ANKRD36B: variants seen among roughly 807,000 people sequenced by gnomAD.
ANKRD36B encodes ankyrin repeat domain 36B, also known as ankyrin repeat domain-containing protein 36B.
In ANKRD36B, 37 loss-of-function variants were observed where a neutral mutation model predicts 135.7. The observed-to-expected ratio is 0.27, with a 90% CI of 0.21 to 0.36. The LOEUF (loss-of-function observed/expected upper bound fraction) is 0.36, where lower values mean the gene tolerates loss of function less well. ANKRD36B is among the 10% of genes least tolerant of loss of function. ANKRD36B has a pLI of 1.00. For missense variants in ANKRD36B, 549 were observed against 1,037.1 expected, an observed-to-expected ratio of 0.53 and a Z score of 6.46; for synonymous variants, 179 against 348.1, an observed-to-expected ratio of 0.51 and a Z score of 5.41.
rs1360728824 is a variant in ANKRD36B, at chr2:97,580,753, T to C, written c.451-185A>G. 2.4e-5 allele frequency among the ~76,000 whole-genome samples: 3 copies of C among 124,264 alleles called. No individual in the cohort carries two copies. In the Admixed American group the frequency reaches 2.7e-4, roughly 11 times the overall value. 81.5% of individuals were successfully genotyped at this position (124,264 alleles called of 152,430 possible). On this transcript the variant is annotated intron_variant, in intron 3 of 43. Coordinates refer to ENST00000359901, the MANE Select transcript of ANKRD36B (RefSeq NM_001393939.1). ...TCCTTCCCCTGGAAACAACCTCCTC[T>C]GCCTCACCACAAGAACTCTGGTCAT... is the stretch of plus-strand genomic sequence containing the variant.
chr2:97,576,295 ACTG>A (rs1468094296), intron 6 of ANKRD36B, 81 bp downstream of exon 6: 5 of 362,358 alleles, frequency 1.4e-5, no homozygotes, highest in African/African-American at 1.1e-4. Flanking sequence ...ATTTTTTTAA[ACTG>A]CTTTTTTGTA....
chr2:97,554,415 A>G (rs2080314531), intron 14 of ANKRD36B, among the ~76,000 whole-genome samples: 3 of 151,970 alleles, frequency 2.0e-5, no homozygotes, highest in Non-Finnish European at 2.9e-5. Flanking sequence ...GTAATTTGTC[A>G]ATGTGGTTTA....
chr2:97,552,687 C>T (rs986691083), intron 16 of ANKRD36B, among the ~76,000 whole-genome samples: 8 of 151,900 alleles, frequency 5.3e-5, no homozygotes, highest in Admixed American at 6.6e-5. Flanking sequence ...CTCCTTCCTG[C>T]CTGACAATCC....
At chr2:97,568,848 ACT>A (rs1310735079) in intron 6 of ANKRD36B, among the ~76,000 whole-genome samples, 1 of 152,044 alleles carries the variant, frequency 6.6e-6, no homozygotes, top group African/African-American at 2.4e-5. Flanking sequence ...AAATAGTATG[ACT>A]CTCTTGGCAT....
intron 35 of ANKRD36B, among the ~76,000 whole-genome samples, chr2:97,527,322 A>G (rs2078270574): frequency 1.0e-5 from 1 of 95,258 alleles, no homozygotes; most frequent in South Asian, 2.4e-4. Context: ...TAAGTGAAGG[A>G]GAAATAAAAT....
rs1174076761 is a variant in ANKRD36B at position 97,547,567 on chromosome 2, T to C, written c.1548A>G (p.Arg516=). ...DEKDSLLNIA[R]GKKDGEKTRR... ...TAGTTTTTTCTCCATCTTTTTTTCC[T>C]CTGGCTATATTCAAAAGAGAATCTT... The change falls in exon 22 of 44, where the codon AGA becomes AGG. Residue 516 remains arginine, a synonymous_variant. Coordinates refer to ENST00000359901, the MANE Select transcript of ANKRD36B (RefSeq NM_001393939.1). 6.4e-7 allele frequency: 1 copy of C among 1,554,804 alleles called. No individual in the cohort carries two copies. The highest frequency in any genetic ancestry group is 1.8e-5 in the Admixed American group (1 of 56,486).
chr2:97,574,330 C>T (rs972300420), intron 6 of ANKRD36B, among the ~76,000 whole-genome samples: 1 of 152,098 alleles, frequency 6.6e-6, no homozygotes, highest in African/African-American at 2.4e-5. Context: ...AAATCAAAAC[C>T]ACAGTGAGAT....
chr2:97,537,128 A>G (rs1231782224), intron 32 of ANKRD36B, among the ~76,000 whole-genome samples: 1 of 96,318 alleles, frequency 1.0e-5, no homozygotes, highest in African/African-American at 3.1e-5. Flanking sequence ...TAGCCTTCAG[A>G]AAGTTTCTTC....
rs762718709 is a variant in ANKRD36B, at chr2:97,555,117, T to C, written c.1114A>G (p.Thr372Ala). ...GTAGCTGTATTCAAAGCAGAATCTG[T>C]CTTGTCACTTGCAGTCTGAAAGTAA... ...QPASKTASDK[T>A]DSALNTATEI... The change falls in exon 14 of 44, where the codon ACA becomes GCA. Residue 372 changes from threonine to alanine, a missense_variant. By Grantham distance (58) the Thr-to-Ala change is moderately conservative. Coordinates refer to ENST00000359901, the MANE Select transcript of ANKRD36B (RefSeq NM_001393939.1). 1 of 1,611,880 alleles carries C rather than the reference T, an allele frequency of 6.2e-7. No individual in the cohort carries two copies. The highest frequency in any genetic ancestry group is 8.5e-7 in the Non-Finnish European group (1 of 1,178,724).
At chr2:97,549,831 G>A (rs927671913) in intron 18 of ANKRD36B, among the ~76,000 whole-genome samples, 1 of 151,896 alleles carries the variant, frequency 6.6e-6, no homozygotes, top group Non-Finnish European at 1.5e-5. Context: ...TTCAAACATG[G>A]TATGATTTCT....
rs185416273 is a variant in ANKRD36B, at chr2:97,545,851, A to C, written c.1590T>G (p.His530Gln). ...TAATTACCTTCAAGGATGGTTGTTT[A>C]TGAGAAGACACTGAAAAGCAAAAGG... ...DGEKTRRVSS[H>Q]KQPSLKATSD... Residue 530 changes from histidine (H) to glutamine (Q), a missense_variant, in exon 23 of 44, where the codon CAT becomes CAG. Coordinates refer to ENST00000359901, the MANE Select transcript of ANKRD36B (RefSeq NM_001393939.1). 2.2e-4 allele frequency: 213 copies of C among 958,956 alleles called. 62 individuals carry two copies. The Admixed American group carries it at 4.0e-3, about 18-fold the overall frequency. 59.4% of individuals were successfully genotyped at this position (958,956 alleles called of 1,614,324 possible).
At chr2:97,559,035 A>T in intron 8 of ANKRD36B, 41 bp from the exon 9 acceptor site, 1 of 1,601,958 alleles carries the variant, frequency 6.2e-7, no homozygotes, top group African/African-American at 1.3e-5. Context: ...ACATGTACAT[A>T]TGATAAATTT....
chr2:97,580,454 G>A lies in ANKRD36B; in HGVS notation c.557+8C>T. 2 of 1,540,926 alleles carry A rather than the reference G, an allele frequency of 1.3e-6. No homozygotes were observed. The highest frequency in any genetic ancestry group is 1.2e-5 in the South Asian group (1 of 83,284). On this transcript the variant is annotated splice_region_variant and intron_variant, in intron 4 of 43. Coordinates refer to ENST00000359901, the MANE Select transcript of ANKRD36B (RefSeq NM_001393939.1). Reference sequence around the variant, plus strand: ...TAAAAACAACACAATAAGAACTAAGGTCTGTACCTGCCAAGATAATCAATG... The same window carrying A: ...TAAAAACAACACAATAAGAACTAAGATCTGTACCTGCCAAGATAATCAATG...
chr2:97,573,811 G>C (rs1455563512), intron 6 of ANKRD36B, among the ~76,000 whole-genome samples: 1 of 152,082 alleles, frequency 6.6e-6, no homozygotes, highest in East Asian at 1.9e-4. Context: ...TTAATAAATG[G>C]TGCTGGGAAA....
At position 97,533,095 on chromosome 2, in the gene ANKRD36B, T is replaced by C. The variant is rs1289577395; in HGVS notation, c.2192-711A>G. Reference sequence around the variant, plus strand: ...CATTTCCAAAATGACTGCTACTGTTTACACTTTCATCAATGTACAGTCTCT... The same window carrying C: ...CATTTCCAAAATGACTGCTACTGTTCACACTTTCATCAATGTACAGTCTCT... On this transcript the variant is annotated intron_variant, in intron 34 of 43. Coordinates refer to ENST00000359901, the MANE Select transcript of ANKRD36B (RefSeq NM_001393939.1). Among the ~76,000 whole-genome samples, 4 of 97,484 alleles carry C rather than the reference T, an allele frequency of 4.1e-5. 2 individuals carry two copies. The highest frequency in any genetic ancestry group is 6.1e-5 in the African/African-American group (2 of 32,590). The allele number at this position is 97,484 out of a possible 152,430, so 64.0% of individuals were successfully genotyped here. A position where few individuals can be genotyped will look rare whatever the true frequency, so the allele number is the denominator to read the frequency against.
In ANKRD36B at chr2:97,586,033, C is replaced by T. The variant is rs1226716126; in HGVS notation, c.162-635G>A. 5.3e-5 allele frequency among the ~76,000 whole-genome samples: 8 copies of T among 152,092 alleles called. No individual in the cohort carries two copies. In the East Asian group the frequency reaches 5.8e-4, roughly 11 times the overall value. ...GGCAACATTTTAAACATTATCTTAT[C>T]GATATATAAAGTAATGTGGCATCAC... is the stretch of plus-strand genomic sequence containing the variant. On this transcript the variant is annotated intron_variant, in intron 1 of 43. Transcript: ENST00000359901.
rs192019355 is a variant in ANKRD36B, at chr2:97,575,916, A to G, written c.763+463T>C. 3.5e-4 allele frequency among the ~76,000 whole-genome samples: 53 copies of G among 152,054 alleles called. No individual in the cohort carries two copies. In the East Asian group the frequency reaches 9.6e-3, roughly 28 times the overall value. Reference sequence around the variant, plus strand: ...TCAGAATACAATATATAATATATATAACATACCAAATATGTATTTTCAACA... The same window carrying G: ...TCAGAATACAATATATAATATATATGACATACCAAATATGTATTTTCAACA... On this transcript the variant is annotated intron_variant, in intron 6 of 43. Transcript: ENST00000359901.
intron 6 of ANKRD36B, among the ~76,000 whole-genome samples, chr2:97,562,014 A>G (rs2081069149): frequency 1.4e-5 from 2 of 141,308 alleles, no homozygotes; most frequent in Admixed American, 1.4e-4. Context: ...ACTTAATCTA[A>G]GAGTTATAAT....
intron 5 of ANKRD36B, among the ~76,000 whole-genome samples, chr2:97,578,363 G>A (rs1486284222): frequency 1.3e-5 from 2 of 152,064 alleles, no homozygotes; most frequent in Non-Finnish European, 2.9e-5. Flanking sequence ...ACTTTCAATG[G>A]TAAGAAAGCA....
Sources: gnomAD v4.1 joint callset for allele counts (sites outside exome capture counted in the v4.1 genomes callset) on GRCh38, gnomAD v4.1.1 for gene constraint, MANE v1.5 for transcripts, NCBI Gene and HGNC (gene_info 2026-07-23, HGNC 2026-07-21) for gene names.